ZNF804A: variants seen among roughly 807,000 people sequenced by gnomAD.
ZNF804A encodes the protein zinc finger protein 804A.
Under a neutral mutation model 16.5 loss-of-function variants are expected in ZNF804A, and 2 were observed. The observed-to-expected ratio is 0.12, with a 90% CI of 0.05 to 0.38. ZNF804A has a LOEUF of 0.38. Ranked by LOEUF, ZNF804A falls within the 10% of genes least tolerant of loss-of-function variation. ZNF804A has a pLI of 0.99. For synonymous variants in ZNF804A, 534 were observed against 489.6 expected (o/e 1.09, Z -1.20); for missense variants, 1,473 against 1,390.7 (o/e 1.06, Z -0.94).
chr2:184,765,615 C>G (rs1236800142), intron 1 of ZNF804A, among the ~76,000 whole-genome samples: 1 of 145,830 alleles, frequency 6.9e-6, no homozygotes, highest in Non-Finnish European at 1.5e-5. Context: ...ACCCCCCCCC[C>G]TTAGAGTCGT....
rs374632469 is a variant in ZNF804A at position 184,831,326 on chromosome 2, CAGTA to C, written c.112-35038_112-35035del. On this transcript the variant is annotated intron_variant, in intron 1 of 3. Coordinates refer to ENST00000302277, the MANE Select transcript of ZNF804A (RefSeq NM_194250.2). Reference sequence around the variant, plus strand: ...TACTCTGTGTGTGTGTGTCTTTTTTCAGTAAGTATCACCTGCTCATGTGATTTAA... The same window carrying C: ...TACTCTGTGTGTGTGTGTCTTTTTTCAGTATCACCTGCTCATGTGATTTAA... Among the ~76,000 whole-genome samples the C allele has an allele frequency of 9.2e-4, 139 of 151,610 alleles. 1 individual carries two copies. In the South Asian group the frequency reaches 0.026, roughly 28 times the overall value.
intron 1 of ZNF804A, among the ~76,000 whole-genome samples, chr2:184,622,919 A>T (rs564544447): frequency 6.6e-6 from 1 of 152,168 alleles, no homozygotes; most frequent in African/African-American, 2.4e-5. Flanking sequence ...ATGATATTGC[A>T]CTGAAAAATC....
intron 2 of ZNF804A, among the ~76,000 whole-genome samples, chr2:184,896,543 G>C (rs188056048): frequency 6.6e-6 from 1 of 152,226 alleles, no homozygotes; most frequent in African/African-American, 2.4e-5. Flanking sequence ...CCATTAGCCT[G>C]ATTGCCAGGA....
At chr2:184,819,205 A>AT (rs1695032956) in intron 1 of ZNF804A, among the ~76,000 whole-genome samples, 1 of 151,732 alleles carries the variant, frequency 6.6e-6, no homozygotes, top group Non-Finnish European at 1.5e-5. Context: ...AAGAAAGGAA[A>AT]TTAAAAAAAA....
chr2:184,605,263 A>C (rs1691126892), intron 1 of ZNF804A, among the ~76,000 whole-genome samples: 1 of 152,170 alleles, frequency 6.6e-6, no homozygotes, highest in South Asian at 2.1e-4. Context: ...TACTGCAACA[A>C]AAATTTATGA....
intron 1 of ZNF804A, among the ~76,000 whole-genome samples, chr2:184,754,070 G>T (rs1051261508): frequency 6.6e-6 from 1 of 151,396 alleles, no homozygotes; most frequent in Non-Finnish European, 1.5e-5. Context: ...ATTAAATATA[G>T]CATCCTATAT....
At chr2:184,743,617 A>G (rs903710907) in intron 1 of ZNF804A, among the ~76,000 whole-genome samples, 6 of 151,978 alleles carry the variant, frequency 3.9e-5, no homozygotes, top group African/African-American at 1.2e-4. Flanking sequence ...GCATGACACT[A>G]TATTTAGTAG....
chr2:184,713,775 T>C (rs982697134), intron 1 of ZNF804A, among the ~76,000 whole-genome samples: 4 of 151,974 alleles, frequency 2.6e-5, no homozygotes, highest in African/African-American at 9.7e-5. Flanking sequence ...GAAACAACTA[T>C]TAAATGCTGC....
intron 1 of ZNF804A, among the ~76,000 whole-genome samples, chr2:184,695,727 T>A (rs762027148): frequency 2.6e-5 from 4 of 152,056 alleles, no homozygotes; most frequent in African/African-American, 4.8e-5. Context: ...CTGGAAAGAC[T>A]TCTTATAGCA....
At chr2:184,860,789 G>A (rs1008129499) in intron 1 of ZNF804A, among the ~76,000 whole-genome samples, 10 of 152,232 alleles carry the variant, frequency 6.6e-5, no homozygotes, top group Admixed American at 1.3e-4. Context: ...TGTAGGTATT[G>A]ACCTGATAAC....
intron 1 of ZNF804A, among the ~76,000 whole-genome samples, chr2:184,804,068 G>A (rs1479359277): frequency 2.0e-5 from 3 of 152,036 alleles, no homozygotes; most frequent in African/African-American, 7.2e-5. Context: ...GTTTCACCAT[G>A]TTGGTCAGGC....
rs115362066 is a variant in ZNF804A, at chr2:184,851,564, C to T, written c.112-14805C>T. On this transcript the variant is annotated intron_variant, in intron 1 of 3. Coordinates refer to ENST00000302277, the MANE Select transcript of ZNF804A (RefSeq NM_194250.2). Reference sequence around the variant, plus strand: ...TTCCACTGCGCATATATACACAACACATTGTCTTTATCTCTTCATGCATCT... The same window carrying T: ...TTCCACTGCGCATATATACACAACATATTGTCTTTATCTCTTCATGCATCT... Among the ~76,000 whole-genome samples, 297 of 152,010 alleles carry T rather than the reference C, an allele frequency of 2.0e-3. 1 individual carries two copies. The highest frequency in any genetic ancestry group is 6.9e-3 in the African/African-American group (285 of 41,540).
At chr2:184,765,339 T>A (rs1339947296) in intron 1 of ZNF804A, among the ~76,000 whole-genome samples, 3 of 152,086 alleles carry the variant, frequency 2.0e-5, no homozygotes, top group Non-Finnish European at 4.4e-5. Flanking sequence ...TTATGCCCAA[T>A]TTCTGCCTCC....
intron 1 of ZNF804A, among the ~76,000 whole-genome samples, chr2:184,762,164 GT>G (rs1156656888): frequency 6.9e-6 from 1 of 145,678 alleles, no homozygotes; most frequent in East Asian, 2.0e-4. Context: ...TGATTTCTCT[GT>G]TTTGGATAGC....
chr2:184,700,924 G>C (rs1040368643), intron 1 of ZNF804A, among the ~76,000 whole-genome samples: 3 of 151,820 alleles, frequency 2.0e-5, no homozygotes, highest in Non-Finnish European at 2.9e-5. Flanking sequence ...AGAGTAATGA[G>C]GATATCCATC....
At chr2:184,837,265 G>C (rs1695366623) in intron 1 of ZNF804A, among the ~76,000 whole-genome samples, 1 of 152,026 alleles carries the variant, frequency 6.6e-6, no homozygotes, top group African/African-American at 2.4e-5. Context: ...CTGGTATAGT[G>C]ATTGGTAAAC....
At chr2:184,692,804 T>C (rs1175056918) in intron 1 of ZNF804A, among the ~76,000 whole-genome samples, 1 of 152,202 alleles carries the variant, frequency 6.6e-6, no homozygotes. Context: ...TTTCATGGCA[T>C]TTAGCCAGTA....
intron 1 of ZNF804A, among the ~76,000 whole-genome samples, chr2:184,803,869 G>C (rs951524577): frequency 2.1e-4 from 31 of 150,958 alleles, no homozygotes; most frequent in Non-Finnish European, 2.7e-4. Flanking sequence ...TTTTTTTTTG[G>C]GGGGGAGGGG....
chr2:184,722,760 T>G (rs1693338473), intron 1 of ZNF804A, among the ~76,000 whole-genome samples: 2 of 152,020 alleles, frequency 1.3e-5, no homozygotes, highest in Non-Finnish European at 2.9e-5. Context: ...CTTTTCTAGA[T>G]GTGATCGCTA....
Sources: allele counts gnomAD v4.1 joint callset (sites outside exome capture counted in the v4.1 genomes callset), GRCh38; gene constraint gnomAD v4.1.1; transcripts MANE v1.5; gene names NCBI Gene and HGNC (gene_info 2026-07-23, HGNC 2026-07-21).